Variants in HTR1F observed in about 807,000 individuals in gnomAD.
HTR1F encodes the protein 5-hydroxytryptamine receptor 1F.
A neutral mutation model predicts 24.0 loss-of-function variants in HTR1F; 17 were observed. The ratio of observed to expected loss-of-function variants is 0.71; its 90% CI spans 0.48 to 1.06. The LOEUF is 1.06. HTR1F is among the 50% of genes least tolerant of loss of function. The pLI is 0.00. For synonymous variants in HTR1F, 186 were observed against 156.8 expected (o/e 1.19, Z -1.39); for missense variants, 391 against 427.8 (o/e 0.91, Z 0.76).
intron 2 of HTR1F, among the ~76,000 whole-genome samples, chr3:87,894,559 CTTTTTTTTTTTTT>C (rs35190252): frequency 1.3e-5 from 1 of 74,658 alleles, no homozygotes; most frequent in African/African-American, 6.1e-5. Flanking sequence ...TGCCCAGCCT[CTTTTTTTTTTTTT>C]TTTTTTTTTT....
intron 2 of HTR1F, among the ~76,000 whole-genome samples, chr3:87,880,646 TTGTGTGTG>T (rs10540515): frequency 2.4e-4 from 36 of 147,250 alleles, no homozygotes; most frequent in East Asian, 2.0e-3. Flanking sequence ...GTGTGTTTGT[TTGTGTGTG>T]TGTGTGTGTG....
chr3:87,887,334 T>C (rs1473332178), intron 2 of HTR1F, among the ~76,000 whole-genome samples: 1 of 152,148 alleles, frequency 6.6e-6, no homozygotes, highest in African/African-American at 2.4e-5. Flanking sequence ...TCAAGATGGA[T>C]TAAAGACTTA....
At chr3:87,891,668 T>C (rs1427957111) in intron 2 of HTR1F, among the ~76,000 whole-genome samples, 1 of 152,202 alleles carries the variant, frequency 6.6e-6, no homozygotes, top group Admixed American at 6.5e-5. Flanking sequence ...TACTTTCCTG[T>C]TTGCCAAACC....
chr3:87,849,459 A>C (rs971933197), intron 2 of HTR1F, among the ~76,000 whole-genome samples: 12 of 151,956 alleles, frequency 7.9e-5, no homozygotes, highest in Non-Finnish European at 1.3e-4. Context: ...AAATTAATTC[A>C]AGATGGATTA....
chr3:87,905,336 A>G (rs1703637819), intron 2 of HTR1F, among the ~76,000 whole-genome samples: 1 of 147,708 alleles, frequency 6.8e-6, no homozygotes, highest in Non-Finnish European at 1.5e-5. Context: ...AAGTTTGTGT[A>G]AAAAAAAAAC....
At chr3:87,803,398 G>A (rs932272180) in intron 1 of HTR1F, among the ~76,000 whole-genome samples, 4 of 152,070 alleles carry the variant, frequency 2.6e-5, no homozygotes, top group African/African-American at 4.8e-5. Flanking sequence ...CTAAAAGCAG[G>A]TGCAACATCT....
chr3:87,841,455 T>A (rs1704800463), intron 2 of HTR1F, among the ~76,000 whole-genome samples: 1 of 151,822 alleles, frequency 6.6e-6, no homozygotes, highest in Non-Finnish European at 1.5e-5. Context: ...AAAATATTAA[T>A]CCATTCTCCC....
At chr3:87,982,687 T>C (rs1705572355) in intron 2 of HTR1F, among the ~76,000 whole-genome samples, 1 of 152,130 alleles carries the variant, frequency 6.6e-6, no homozygotes, top group Admixed American at 6.5e-5. Context: ...TGGGCCCTAG[T>C]GAAGGTAAAT....
intron 1 of HTR1F, among the ~76,000 whole-genome samples, chr3:87,819,336 T>C (rs1704310276): frequency 6.7e-6 from 1 of 148,710 alleles, no homozygotes; most frequent in African/African-American, 2.6e-5. Context: ...TGTTATACAA[T>C]AAGATTTTTT....
chr3:87,840,042 C>A (rs960546256), intron 2 of HTR1F, among the ~76,000 whole-genome samples: 22 of 152,226 alleles, frequency 1.4e-4, no homozygotes, highest in African/African-American at 5.3e-4. Flanking sequence ...TGATTCCATG[C>A]CTTCACTATT....
intron 2 of HTR1F, among the ~76,000 whole-genome samples, chr3:87,860,273 T>G (rs1705288983): frequency 6.6e-6 from 1 of 152,220 alleles, no homozygotes; most frequent in South Asian, 2.1e-4. Flanking sequence ...GCAATAAACA[T>G]ACTTTAAAAC....
chr3:87,940,301 C>A (rs1460054675), intron 2 of HTR1F, among the ~76,000 whole-genome samples: 4 of 152,088 alleles, frequency 2.6e-5, no homozygotes, highest in Non-Finnish European at 5.9e-5. Flanking sequence ...AAACTCAACA[C>A]CCCTTTATTC....
chr3:87,823,780 C>A (rs1214138882), intron 2 of HTR1F, among the ~76,000 whole-genome samples: 1 of 152,018 alleles, frequency 6.6e-6, no homozygotes, highest in Non-Finnish European at 1.5e-5. Flanking sequence ...CAAAAACAGG[C>A]CAGGCACAGT....
At chr3:87,800,758 A>G (rs553323421) in intron 1 of HTR1F, among the ~76,000 whole-genome samples, 1 of 152,292 alleles carries the variant, frequency 6.6e-6, no homozygotes, top group East Asian at 1.9e-4. Flanking sequence ...ACTACCCTTG[A>G]GTAGGAGTGA....
At position 87,837,472 on chromosome 3, in the gene HTR1F, G is replaced by A. The variant is rs147363820; in HGVS notation, c.-43+15348G>A. Among the ~76,000 whole-genome samples the A allele has an allele frequency of 3.4e-3, 517 of 152,166 alleles. 5 individuals are homozygous for A. The highest frequency in any genetic ancestry group is 0.01 in the Middle Eastern group (3 of 294). ...TATTTGAAAAGCCAACCTGAGGCAA[G>A]TTCACAATCCGGAAGCTGAATATGT... On this transcript the variant is annotated intron_variant, in intron 2 of 2. Coordinates refer to ENST00000319595, the MANE Select transcript of HTR1F (RefSeq NM_001322209.2).
At chr3:87,867,373 C>G (rs1705452803) in intron 2 of HTR1F, among the ~76,000 whole-genome samples, 1 of 151,790 alleles carries the variant, frequency 6.6e-6, no homozygotes, top group African/African-American at 2.4e-5. Flanking sequence ...CTCTCTCTCT[C>G]TCATATATTT....
intron 2 of HTR1F, among the ~76,000 whole-genome samples, chr3:87,917,213 A>C (rs1356733485): frequency 2.6e-5 from 4 of 152,008 alleles, no homozygotes; most frequent in Non-Finnish European, 5.9e-5. Flanking sequence ...CAGTCAAGGC[A>C]GTGCTAAAAG....
Position 87,813,248 on chromosome 3 carries a change from G to A in HTR1F, c.-159-8760G>A, listed in dbSNP as rs573728472. On this transcript the variant is annotated intron_variant, in intron 1 of 2. Transcript: ENST00000319595. Reference sequence around the variant, plus strand: ...GTGGAAGCCCATCCCTTGCATCAGCGTGCCCTGTATTTGAGACATGGAGTC... The same window carrying A: ...GTGGAAGCCCATCCCTTGCATCAGCATGCCCTGTATTTGAGACATGGAGTC... Among the ~76,000 whole-genome samples, 86 of 152,292 alleles carry A rather than the reference G, an allele frequency of 5.6e-4. 1 individual carries two copies. In the South Asian group the frequency reaches 0.011, roughly 20 times the overall value.
intron 2 of HTR1F, among the ~76,000 whole-genome samples, chr3:87,952,878 T>C (rs1704864813): frequency 6.6e-6 from 1 of 151,718 alleles, no homozygotes; most frequent in African/African-American, 2.4e-5. Flanking sequence ...TTACACTACA[T>C]TTTCAGCCAT....
Sources: gnomAD v4.1 joint callset for allele counts (sites outside exome capture counted in the v4.1 genomes callset) on GRCh38, gnomAD v4.1.1 for gene constraint, MANE v1.5 for transcripts, NCBI Gene and HGNC (gene_info 2026-07-23, HGNC 2026-07-21) for gene names.